Variants in CEP295 observed in about 807,000 individuals in gnomAD.
CEP295 encodes the protein centrosomal protein of 295 kDa.
A neutral mutation model predicts 291.6 loss-of-function variants in CEP295; 190 were observed. The observed-to-expected ratio is 0.65, with a 90% confidence interval of 0.58 to 0.73. The LOEUF (loss-of-function observed/expected upper bound fraction) is 0.73, where lower values mean the gene tolerates loss of function less well. Among genes scored for constraint, CEP295 ranks in the 30% least tolerant of loss-of-function variants. The pLI, the probability that CEP295 is intolerant of heterozygous loss-of-function variation, is 0.00. For synonymous variants in CEP295, 993 were observed against 1,038.8 expected, an observed-to-expected ratio of 0.96 and a Z score of 0.85; for missense variants, 2,863 against 2,949.4, an observed-to-expected ratio of 0.97 and a Z score of 0.68.
intron 24 of CEP295, 132 bp from the exon 25 acceptor site, chr11:93,728,549 C>T: frequency 1.6e-6 from 1 of 635,324 alleles, no homozygotes; most frequent in Non-Finnish European, 2.5e-6. Context: ...TGGTCTTTGC[C>T]AATCATTGCT....
chr11:93,695,471 T>G, intron 12 of CEP295, 26 bp from the exon 13 acceptor site: 1 of 1,380,456 alleles, frequency 7.2e-7, no homozygotes, highest in Non-Finnish European at 9.4e-7. Context: ...TTGTTGTTAA[T>G]AGATCAATAG....
At position 93,697,240 on chromosome 11, in the gene CEP295, A is replaced by G. The variant is rs1449287150; in HGVS notation, c.2328A>G (p.Ile776Met). 1.3e-6 allele frequency: 2 copies of G among 1,551,738 alleles called. No homozygotes were observed. The highest frequency in any genetic ancestry group is 1.7e-6 in the Non-Finnish European group (2 of 1,146,970). Residue 776 changes from isoleucine (I) to methionine (M), a missense_variant, in exon 15 of 30, where the codon ATA becomes ATG. This residue lies in a region of CEP295 where 2,295 missense variants were observed against 2,335.7 expected (regional missense o/e 0.98). Coordinates refer to ENST00000325212, the MANE Select transcript of CEP295 (RefSeq NM_033395.2). ...TGTTCTCAGAGAATAGTGAAAATATATCTTACCATTTAACTGAACCTTCTT... is the reference window on the plus strand; with the variant it reads ...TGTTCTCAGAGAATAGTGAAAATATGTCTTACCATTTAACTGAACCTTCTT... ...QQLFSENSEN[I>M]SYHLTEPSSF...
intron 10 of CEP295, among the ~76,000 whole-genome samples, chr11:93,688,532 T>C (rs998043138): frequency 2.6e-5 from 4 of 151,714 alleles, no homozygotes; most frequent in African/African-American, 9.7e-5. Context: ...CAGGAAGCCT[T>C]CTTGAAGTAT....
chr11:93,664,699 A>C (rs1950132174), intron 1 of CEP295, among the ~76,000 whole-genome samples: 1 of 152,216 alleles, frequency 6.6e-6, no homozygotes, highest in Non-Finnish European at 1.5e-5. Context: ...ATGGTGAATA[A>C]GTCCATTCTG....
rs1952282625 is a variant in CEP295 at position 93,703,164 on chromosome 11, A to G, written c.5596+245A>G. On this transcript the variant is annotated intron_variant, in intron 17 of 29. Coordinates refer to ENST00000325212, the MANE Select transcript of CEP295 (RefSeq NM_033395.2). ...TTTTTAGTAGAGACAGGGTTTCACC[A>G]TATTGGCCAGGCCGGTCTTGAACTG... Among the ~76,000 whole-genome samples the G allele has an allele frequency of 2.0e-5, 3 of 152,100 alleles. No homozygotes were observed. In the South Asian group the frequency reaches 6.2e-4, roughly 32 times the overall value.
chr11:93,722,029 G>A lies in CEP295; in HGVS notation c.5926G>A (p.Asp1976Asn), dbSNP rs1353723298. ...TGSLLSYENT[D>N]LSLTDPESFS... ...GAGCCTTTTAAGTTATGAAAACACA[G>A]ATTTGAGCCTTACAGATCCAGGTAA... The change falls in exon 20 of 30, where the codon GAT (aspartate) becomes AAT (asparagine). Residue 1976 changes from aspartate (D) to asparagine (N), a missense_variant. By Grantham distance (23) the Asp-to-Asn change is conservative. Transcript: ENST00000325212. The A allele has an allele frequency of 1.3e-6, 2 of 1,556,590 alleles. No homozygotes were observed. The highest frequency in any genetic ancestry group is 2.3e-5 in the South Asian group (2 of 85,640).
chr11:93,730,343 A>AT lies in CEP295; in HGVS notation c.*76dup. ...AGACAAAATTATTTAAAGTCAATAA[A>AT]TTGTTATTCGAGGAATTCCATGTTG... On this transcript the variant is annotated 3_prime_UTR_variant, in exon 30 of 30. Coordinates refer to ENST00000325212, the MANE Select transcript of CEP295 (RefSeq NM_033395.2). 4 of 1,115,332 alleles carry AT rather than the reference A, an allele frequency of 3.6e-6. No individual in the cohort carries two copies. The highest frequency in any genetic ancestry group is 4.0e-6 in the Non-Finnish European group (3 of 746,704). The allele number at this position is 1,115,332 out of a possible 1,614,324, so 69.1% of individuals were successfully genotyped here.
intron 25 of CEP295, chr11:93,729,205 T>G (rs906003758): frequency 1.7e-6 from 1 of 578,768 alleles, no homozygotes; most frequent in African/African-American, 1.9e-5. Flanking sequence ...CCTAGAGGTG[T>G]GAGGGCAGTG....
In CEP295 at chr11:93,728,869, T is replaced by C. The variant is rs554465246; in HGVS notation, c.7302+48T>C. 379 of 1,474,432 alleles carry C rather than the reference T, an allele frequency of 2.6e-4. 6 individuals are homozygous for C. In the South Asian group the frequency reaches 4.7e-3, roughly 18 times the overall value. The allele number at this position is 1,474,432 out of a possible 1,614,324, so 91.3% of individuals were successfully genotyped here. A position where few individuals can be genotyped will look rare whatever the true frequency, so the allele number is the denominator to read the frequency against. ...TTTTATTCTATTACAAGCAAACCAG[T>C]TGATTTGTCTCTTACAACTTATCAG... On this transcript the variant is annotated intron_variant, in intron 25 of 29. Transcript: ENST00000325212.
intron 5 of CEP295, among the ~76,000 whole-genome samples, chr11:93,672,356 G>A (rs10765624): frequency 0.92 from 139,872 of 152,216 alleles, 65,076 homozygotes; most frequent in East Asian, 0.99. Context: ...GACTTCTCAT[G>A]TATCTATACC....
intron 22 of CEP295, among the ~76,000 whole-genome samples, 185 bp downstream of exon 22, chr11:93,724,560 A>G (rs1565220303): frequency 6.6e-6 from 1 of 152,192 alleles, no homozygotes; most frequent in Non-Finnish European, 1.5e-5. Context: ...TGAGGCCAAG[A>G]GTTCGAGACC....
chr11:93,688,399 T>G (rs4753099), intron 10 of CEP295, among the ~76,000 whole-genome samples: 138,060 of 152,208 alleles, frequency 0.91, 63,645 homozygotes, highest in Non-Finnish European at 0.99. Flanking sequence ...AATTCAAGTA[T>G]CTCCTTGATT....
intron 1 of CEP295, among the ~76,000 whole-genome samples, chr11:93,665,307 A>G (rs368648932): frequency 1.1e-4 from 17 of 152,226 alleles, no homozygotes; most frequent in East Asian, 7.7e-4. Context: ...TTATAGAACT[A>G]TAGATTCTTA....
At chr11:93,672,897 A>C (rs17650369) in intron 5 of CEP295, among the ~76,000 whole-genome samples, 11,763 of 152,218 alleles carry the variant, frequency 0.077, 477 homozygotes, top group Middle Eastern at 0.099. Context: ...TTCCAAATTC[A>C]ATCTATACAT....
intron 17 of CEP295, among the ~76,000 whole-genome samples, chr11:93,704,149 T>C (rs1378360162): frequency 6.6e-6 from 1 of 152,172 alleles, no homozygotes; most frequent in African/African-American, 2.4e-5. Flanking sequence ...AATAATTTTC[T>C]CGATCAAATT....
intron 18 of CEP295, among the ~76,000 whole-genome samples, chr11:93,708,087 G>A (rs1258353525): frequency 6.6e-6 from 1 of 152,002 alleles, no homozygotes; most frequent in Non-Finnish European, 1.5e-5. Flanking sequence ...TGGGGTATAT[G>A]GGATAGTTTG....
At chr11:93,729,370 C>A in intron 25 of CEP295, 64 bp from the exon 26 acceptor site, 1 of 1,118,736 alleles carries the variant, frequency 8.9e-7, no homozygotes, top group Non-Finnish European at 1.3e-6. Context: ...TCTAATCTGA[C>A]AGCAGAGCAA....
rs1329818960 is a variant in CEP295 at position 93,700,010 on chromosome 11, T to C, written c.5098T>C (p.Ser1700Pro). 6.4e-7 allele frequency: 1 copy of C among 1,551,696 alleles called. No individual in the cohort carries two copies. Among genetic ancestry groups the C allele is most frequent in the African/African-American group, 1.4e-5 (1 of 73,064 alleles). ...FQDRLLSFSQ[S>P]VLTQQDNLGL... ...AGATAGACTTTTGAGTTTTTCACAG[T>C]CTGTCTTAACTCAGCAAGATAACTT... The change falls in exon 15 of 30, where the codon TCT becomes CCT. Residue 1700 changes from serine (S) to proline (P), a missense_variant. By Grantham distance (74) the Ser-to-Pro change is moderately conservative. Around this residue, in one of 3 missense-constraint regions of CEP295, gnomAD observed 2,295 missense variants for 2,335.7 expected, o/e 0.98. Transcript: ENST00000325212.
chr11:93,682,596 T>TA (rs76550881), intron 7 of CEP295, among the ~76,000 whole-genome samples: 82 of 149,264 alleles, frequency 5.5e-4, no homozygotes, highest in African/African-American at 1.3e-3. Flanking sequence ...AGAAGGTTGT[T>TA]AAAAAAAAAA....
Sources: gnomAD v4.1 joint callset for allele counts (sites outside exome capture counted in the v4.1 genomes callset) on GRCh38, gnomAD v4.1.1 for gene constraint, gnomAD v4.1.1 regional missense constraint, MANE v1.5 for transcripts, NCBI Gene and HGNC (gene_info 2026-07-23, HGNC 2026-07-21) for gene names.